Variants in SOX5 observed in about 807,000 individuals in gnomAD.
SOX5 encodes the protein transcription factor SOX-5.
SOX5 carries 9 observed loss-of-function variants against 92.0 expected under a neutral mutation model. The ratio of observed to expected loss-of-function variants is 0.10; its 90% CI spans 0.06 to 0.17. SOX5 has a LOEUF of 0.17. Ranked by LOEUF, SOX5 falls within the 10% of genes least tolerant of loss-of-function variation. The probability of loss-of-function intolerance (pLI) is 1.00; values close to 1 mark genes in which losing one functional copy is unlikely to be tolerated. For missense variants in SOX5, 642 were observed against 944.5 expected (o/e 0.68, Z 4.20); for synonymous variants, 344 against 336.3 (o/e 1.02, Z -0.25).
At chr12:24,367,915 A>C (rs1956334973) in intron 2 of SOX5, 1 of 152,190 alleles carries the variant, frequency 6.6e-6, no homozygotes, top group African/African-American at 2.4e-5. Context: ...AGAATATAAT[A>C]GTTTTTGTTT....
intron 14 of SOX5, among the ~76,000 whole-genome samples, chr12:23,535,805 G>A (rs1482270350): frequency 2.0e-5 from 3 of 152,152 alleles, no homozygotes; most frequent in Admixed American, 2.0e-4. Context: ...TTTCAAATAT[G>A]AACAACTTTA....
In SOX5 at chr12:24,380,353, C is replaced by G. The variant is rs1468734416; in HGVS notation, c.-250-11714G>C. On this transcript the variant is annotated intron_variant, in intron 1 of 4. Coordinates refer to the SOX5 transcript ENST00000446891. ...TAACAGAATTCCTTTGTTTTGATGT[C>G]GGATTATCAAACTGCATCTTTAAAG... Among the ~76,000 whole-genome samples the G allele has an allele frequency of 2.6e-5, 4 of 152,164 alleles. No homozygotes were observed. In the East Asian group the frequency reaches 7.7e-4, roughly 29 times the overall value.
intron 9 of SOX5, among the ~76,000 whole-genome samples, chr12:23,591,858 A>T (rs1023617676): frequency 1.3e-5 from 2 of 152,168 alleles, no homozygotes; most frequent in African/African-American, 4.8e-5. Context: ...TTCTTATGTT[A>T]TTTGAAGTGC....
intron 6 of SOX5, among the ~76,000 whole-genome samples, chr12:23,714,544 C>T (rs1372442690): frequency 6.6e-6 from 1 of 152,126 alleles, no homozygotes; most frequent in Non-Finnish European, 1.5e-5. Flanking sequence ...TCGCTTGAAC[C>T]CGGGAGGCGG....
chr12:23,545,398 T>C (rs1208591859), intron 12 of SOX5, among the ~76,000 whole-genome samples: 1 of 152,208 alleles, frequency 6.6e-6, no homozygotes, highest in African/African-American at 2.4e-5. Flanking sequence ...CAGCACTTCC[T>C]TCTTTTTCCC....
chr12:23,840,834 T>A (rs2096504291), intron 3 of SOX5, among the ~76,000 whole-genome samples: 1 of 151,606 alleles, frequency 6.6e-6, no homozygotes, highest in Non-Finnish European at 1.5e-5. Context: ...TTACAAAATT[T>A]AACTCAAAAG....
chr12:24,128,975 T>C lies in SOX5; in HGVS notation c.-2+84368A>G, dbSNP rs79755655. Among the ~76,000 whole-genome samples the C allele has an allele frequency of 6.2e-3, 946 of 151,592 alleles. 9 individuals carry two copies. The highest frequency in any genetic ancestry group is 0.037 in the South Asian group (180 of 4,828). On this transcript the variant is annotated intron_variant, in intron 4 of 4. Coordinates refer to the SOX5 transcript ENST00000446891. ...GAAATGGAGAGCTTCAAGATATACT[T>C]TGTGAATAGAAACACTGGGATTTGC... is the stretch of plus-strand genomic sequence containing the variant.
At chr12:23,980,606 C>G (rs1949482674) in intron 4 of SOX5, among the ~76,000 whole-genome samples, 1 of 152,142 alleles carries the variant, frequency 6.6e-6, no homozygotes, top group African/African-American at 2.4e-5. Context: ...AAACATCTGC[C>G]AAATGACAAC....
intron 13 of SOX5, among the ~76,000 whole-genome samples, chr12:23,538,231 C>A (rs992236295): frequency 2.6e-5 from 4 of 152,112 alleles, no homozygotes; most frequent in Non-Finnish European, 5.9e-5. Flanking sequence ...TGGGCTGTTA[C>A]ATTTATTAAA....
chr12:24,541,008 A>AT (rs1451277009), intron 1 of SOX5, among the ~76,000 whole-genome samples: 2 of 152,122 alleles, frequency 1.3e-5, no homozygotes, highest in African/African-American at 2.4e-5. Flanking sequence ...ATGGCATGCA[A>AT]TTTTTTAAAA....
At chr12:23,867,797 G>A (rs2096830636) in intron 2 of SOX5, among the ~76,000 whole-genome samples, 1 of 151,246 alleles carries the variant, frequency 6.6e-6, no homozygotes, top group Non-Finnish European at 1.5e-5. Flanking sequence ...TTAAGCTCTA[G>A]CTGTGTATAA....
At chr12:24,182,830 C>T (rs1955643010) in intron 4 of SOX5, among the ~76,000 whole-genome samples, 1 of 152,148 alleles carries the variant, frequency 6.6e-6, no homozygotes, top group African/African-American at 2.4e-5. Flanking sequence ...TCTCTTGCCT[C>T]AGCCTCCCGA....
At chr12:24,063,448 G>A (rs1479828385) in intron 4 of SOX5, among the ~76,000 whole-genome samples, 1 of 152,066 alleles carries the variant, frequency 6.6e-6, no homozygotes, top group African/African-American at 2.4e-5. Flanking sequence ...TTAGAGTGGA[G>A]GTGTCCAAAG....
chr12:23,883,291 C>T (rs1026426537), intron 2 of SOX5, among the ~76,000 whole-genome samples: 1 of 152,004 alleles, frequency 6.6e-6, no homozygotes, highest in Non-Finnish European at 1.5e-5. Context: ...GAATTACATC[C>T]GAGGATACTG....
At chr12:24,473,748 A>G (rs1945057994) in intron 1 of SOX5, among the ~76,000 whole-genome samples, 1 of 152,150 alleles carries the variant, frequency 6.6e-6, no homozygotes, top group African/African-American at 2.4e-5. Context: ...AAGAAATCTC[A>G]AAGGTCTGGC....
chr12:24,419,848 T>C (rs896996788), intron 1 of SOX5, among the ~76,000 whole-genome samples: 2 of 152,070 alleles, frequency 1.3e-5, no homozygotes, highest in Non-Finnish European at 2.9e-5. Flanking sequence ...TGAAATACCA[T>C]GCTAAAAAAA....
chr12:23,644,558 T>C (rs1176042585), intron 7 of SOX5, among the ~76,000 whole-genome samples: 5 of 152,174 alleles, frequency 3.3e-5, no homozygotes, highest in Admixed American at 2.6e-4. Context: ...TGTTTTACAG[T>C]AGCTAGTGAA....
intron 3 of SOX5, among the ~76,000 whole-genome samples, chr12:24,266,541 A>G (rs1477981305): frequency 1.3e-5 from 2 of 152,194 alleles, no homozygotes; most frequent in East Asian, 1.9e-4. Flanking sequence ...TAAGTGAACT[A>G]TGATCTCAAT....
chr12:23,537,148 T>C (rs1343875127), intron 13 of SOX5, among the ~76,000 whole-genome samples: 1 of 152,116 alleles, frequency 6.6e-6, no homozygotes, highest in Non-Finnish European at 1.5e-5. Context: ...ATTTTAAGCT[T>C]ACAGGAATGG....
Sources: gnomAD v4.1 joint callset for allele counts (sites outside exome capture counted in the v4.1 genomes callset) on GRCh38, gnomAD v4.1.1 for gene constraint, MANE v1.5 for transcripts, NCBI Gene and HGNC (gene_info 2026-07-23, HGNC 2026-07-21) for gene names.